The following RAB27B variants were observed in gnomAD, a reference collection of about 807,000 sequenced individuals.
RAB27B encodes the protein ras-related protein Rab-27B.
A neutral mutation model predicts 24.6 loss-of-function variants in RAB27B; 15 were observed. That is an observed-to-expected ratio of 0.61 (90% CI 0.41 to 0.94). RAB27B has a LOEUF of 0.94. RAB27B is among the 40% of genes least tolerant of loss of function. The probability of loss-of-function intolerance (pLI) is 0.00; values close to 1 mark genes in which losing one functional copy is unlikely to be tolerated. For missense variants in RAB27B, 261 were observed against 266.8 expected (o/e 0.98, Z 0.15); for synonymous variants, 105 against 92.5 (o/e 1.14, Z -0.78).
At chr18:54,782,022 G>A (rs973244162) in intron 2 of RAB27B, among the ~76,000 whole-genome samples, 1 of 152,158 alleles carries the variant, frequency 6.6e-6, no homozygotes, top group Admixed American at 6.5e-5. Flanking sequence ...ATTAATTATA[G>A]GGATATTTTA....
At chr18:54,867,107 G>A (rs1912261445) in intron 1 of RAB27B, among the ~76,000 whole-genome samples, 1 of 152,096 alleles carries the variant, frequency 6.6e-6, no homozygotes. Context: ...CAGGAAGTGG[G>A]GAGCCCACTT....
At chr18:54,842,755 G>A (rs1911166984) in intron 1 of RAB27B, among the ~76,000 whole-genome samples, 1 of 152,100 alleles carries the variant, frequency 6.6e-6, no homozygotes, top group Admixed American at 6.5e-5. Context: ...CCATCCACTA[G>A]TTTCAGACAA....
rs1266149321 is a variant in RAB27B at position 54,842,262 on chromosome 18, G to A, written c.-20+13562G>A. On this transcript the variant is annotated intron_variant, in intron 1 of 5. Coordinates refer to ENST00000262094, the MANE Select transcript of RAB27B (RefSeq NM_004163.4). ...AGAAAAGATATGTAAACAGTTTCTT[G>A]CTTATTCTAGCACAAGGAAAGCCTA... Among the ~76,000 whole-genome samples the A allele has an allele frequency of 3.9e-5, 6 of 152,144 alleles. No homozygotes were observed. The East Asian group carries it at 1.2e-3, about 29-fold the overall frequency.
At chr18:54,822,445 A>G (rs1304816982) in intron 2 of RAB27B, among the ~76,000 whole-genome samples, 1 of 152,342 alleles carries the variant, frequency 6.6e-6, no homozygotes, top group East Asian at 1.9e-4. Flanking sequence ...AAATGGAGAA[A>G]TCACCATATA....
In RAB27B at chr18:54,888,719, A is replaced by G. The variant is rs555901143; in HGVS notation, c.468-505A>G. On this transcript the variant is annotated intron_variant, in intron 5 of 5. Transcript: ENST00000262094. ...TTAAAGTAGTTTTATCATATCTGCC[A>G]ATTTTTTATGGAAGAATTCTCCCTA... Among the ~76,000 whole-genome samples, 5 of 152,226 alleles carry G rather than the reference A, an allele frequency of 3.3e-5. No homozygotes were observed. In the South Asian group the frequency reaches 1.0e-3, roughly 32 times the overall value.
chr18:54,750,616 T>C (rs1243410064), intron 2 of RAB27B, among the ~76,000 whole-genome samples: 2 of 152,210 alleles, frequency 1.3e-5, no homozygotes, highest in East Asian at 1.9e-4. Flanking sequence ...AAGCATCAGA[T>C]ACTGAGTTCC....
intron 2 of RAB27B, among the ~76,000 whole-genome samples, chr18:54,729,662 A>T (rs1463191260): frequency 6.6e-6 from 1 of 152,214 alleles, no homozygotes; most frequent in African/African-American, 2.4e-5. Context: ...AAGCCTGATT[A>T]ACCCATAGAA....
chr18:54,892,265 T>C lies in RAB27B; in HGVS notation c.*2852T>C. Reference sequence around the variant, plus strand: ...TATTTACACTGGTTTGATGTTTACATTGCTCTAACTCGGTGCCTCAGATAC... The same window carrying C: ...TATTTACACTGGTTTGATGTTTACACTGCTCTAACTCGGTGCCTCAGATAC... On this transcript the variant is annotated 3_prime_UTR_variant, in exon 6 of 6. Coordinates refer to ENST00000262094, the MANE Select transcript of RAB27B (RefSeq NM_004163.4). The C allele has an allele frequency of 6.6e-6, 1 of 152,094 alleles. No individual in the cohort carries two copies. Among genetic ancestry groups the C allele is most frequent in the East Asian group, 1.9e-4 (1 of 5,192 alleles). The allele number at this position is 152,094 out of a possible 1,614,324, so 9.4% of individuals were successfully genotyped here. A position where few individuals can be genotyped will look rare whatever the true frequency, so the allele number is the denominator to read the frequency against.
At position 54,800,277 on chromosome 18, in the gene RAB27B, A is replaced by T. The variant is rs1909559088; in HGVS notation, c.-19-77290A>T. Among the ~76,000 whole-genome samples, 4 of 152,248 alleles carry T rather than the reference A, an allele frequency of 2.6e-5. No individual in the cohort carries two copies. The South Asian group carries it at 8.3e-4, about 31-fold the overall frequency. On this transcript the variant is annotated intron_variant, in intron 2 of 4. Transcript: ENST00000586570. ...ATTTGCTATTATAAACCATGTTACAATGAAGAGAATTGTGTATTTACTTGT... is the reference window on the plus strand; with the variant it reads ...ATTTGCTATTATAAACCATGTTACATTGAAGAGAATTGTGTATTTACTTGT...
intron 1 of RAB27B, among the ~76,000 whole-genome samples, chr18:54,860,368 G>A (rs866810544): frequency 6.6e-6 from 1 of 152,050 alleles, no homozygotes; most frequent in Non-Finnish European, 1.5e-5. Context: ...GCCCCCTAAA[G>A]CTTCTGCTTC....
intron 2 of RAB27B, among the ~76,000 whole-genome samples, chr18:54,776,283 A>T (rs58089318): frequency 6.6e-6 from 1 of 152,214 alleles, no homozygotes; most frequent in East Asian, 1.9e-4. Context: ...CACCCCAACT[A>T]CCAAGTAAAC....
At chr18:54,800,596 C>T (rs1483271278) in intron 2 of RAB27B, among the ~76,000 whole-genome samples, 1 of 152,024 alleles carries the variant, frequency 6.6e-6, no homozygotes, top group Non-Finnish European at 1.5e-5. Flanking sequence ...TGAGAGGTAC[C>T]TTTTGTAATT....
chr18:54,889,171 T>C (rs1316478764), intron 5 of RAB27B, 53 bp from the exon 6 acceptor site: 10 of 1,509,178 alleles, frequency 6.6e-6, no homozygotes, highest in Non-Finnish European at 9.0e-6. Context: ...CATCTTGCTG[T>C]ATCTGTTCTG....
intron 2 of RAB27B, among the ~76,000 whole-genome samples, chr18:54,784,647 T>C (rs1165387674): frequency 1.3e-5 from 2 of 151,720 alleles, no homozygotes; most frequent in African/African-American, 4.8e-5. Flanking sequence ...TGTGATTTTG[T>C]TCTTTTTTTA....
intron 2 of RAB27B, among the ~76,000 whole-genome samples, chr18:54,822,313 C>G (rs1368194000): frequency 2.0e-5 from 3 of 152,194 alleles, no homozygotes; most frequent in South Asian, 4.2e-4. Context: ...AAAAGGCCAG[C>G]AAGGAATTTA....
intron 2 of RAB27B, among the ~76,000 whole-genome samples, chr18:54,804,771 T>G (rs1039432437): frequency 4.6e-5 from 7 of 152,102 alleles, no homozygotes; most frequent in Non-Finnish European, 1.0e-4. Flanking sequence ...AAATGGGATC[T>G]CTGGGTGAGG....
intron 3 of RAB27B, among the ~76,000 whole-genome samples, chr18:54,882,047 A>G (rs982514342): frequency 6.6e-6 from 1 of 152,164 alleles, no homozygotes; most frequent in Non-Finnish European, 1.5e-5. Flanking sequence ...TATTCAATCA[A>G]AGCACTATAA....
chr18:54,873,195 AC>A (rs1436285285), intron 1 of RAB27B, among the ~76,000 whole-genome samples: 4 of 152,192 alleles, frequency 2.6e-5, no homozygotes, highest in African/African-American at 9.7e-5. Context: ...GAGGGGCTAG[AC>A]CACCTGATTA....
At chr18:54,748,553 T>C (rs1290465122) in intron 2 of RAB27B, among the ~76,000 whole-genome samples, 1 of 152,226 alleles carries the variant, frequency 6.6e-6, no homozygotes, top group Non-Finnish European at 1.5e-5. Context: ...TCTCAGACTA[T>C]AGTGGGACTA....
Sources: allele counts gnomAD v4.1 joint callset (sites outside exome capture counted in the v4.1 genomes callset), GRCh38; gene constraint gnomAD v4.1.1; transcripts MANE v1.5; gene names NCBI Gene and HGNC (gene_info 2026-07-23, HGNC 2026-07-21).